ZCCHC14: variants seen among roughly 807,000 people sequenced by gnomAD.
ZCCHC14 encodes zinc finger CCHC domain-containing protein 14.
A neutral mutation model predicts 85.0 loss-of-function variants in ZCCHC14; 16 were observed. That is an observed-to-expected ratio of 0.19 (90% CI 0.13 to 0.29). The LOEUF is 0.29. Ranked by LOEUF, ZCCHC14 falls within the 10% of genes least tolerant of loss-of-function variation. ZCCHC14 has a pLI of 1.00. For missense variants in ZCCHC14, 1,303 were observed against 1,443.5 expected (o/e 0.90, Z 1.58); for synonymous variants, 775 against 630.7 (o/e 1.23, Z -3.43).
chr16:87,464,309 C>G (rs181128397), intron 1 of ZCCHC14, among the ~76,000 whole-genome samples: 295 of 152,324 alleles, frequency 1.9e-3, no homozygotes, highest in African/African-American at 6.5e-3. Context: ...CACTCCCCAC[C>G]AAAATCAGAG....
intron 10 of ZCCHC14, among the ~76,000 whole-genome samples, chr16:87,413,872 C>T (rs1908621673): frequency 6.6e-6 from 1 of 152,170 alleles, no homozygotes; most frequent in Non-Finnish European, 1.5e-5. Context: ...CCCACGCGCT[C>T]GCTCTCACTG....
intron 1 of ZCCHC14, among the ~76,000 whole-genome samples, chr16:87,477,142 C>CAAAAAAAAAA (rs1567542354): frequency 2.5e-5 from 2 of 78,604 alleles, no homozygotes; most frequent in African/African-American, 1.3e-4. Context: ...AAAAAAAAAA[C>CAAAAAAAAAA]AAAACAAAAC....
At chr16:87,467,605 G>C (rs1911585378) in intron 1 of ZCCHC14, 6 of 1,283,148 alleles carry the variant, frequency 4.7e-6, no homozygotes, top group African/African-American at 1.5e-5. Flanking sequence ...CAAGGATCTG[G>C]AGATGACAAC....
intron 4 of ZCCHC14, among the ~76,000 whole-genome samples, chr16:87,422,393 C>T (rs1258112875): frequency 2.6e-5 from 4 of 152,024 alleles, no homozygotes; most frequent in South Asian, 2.1e-4. Flanking sequence ...GGGGAGGATG[C>T]GGCAGAAGAA....
At chr16:87,486,411 C>T (rs1226446659) in intron 1 of ZCCHC14, among the ~76,000 whole-genome samples, 3 of 152,218 alleles carry the variant, frequency 2.0e-5, no homozygotes, top group African/African-American at 4.8e-5. Context: ...TACAGTAACA[C>T]GCTGTACAGG....
At chr16:87,429,594 G>A (rs1189198973) in intron 3 of ZCCHC14, among the ~76,000 whole-genome samples, 2 of 152,184 alleles carry the variant, frequency 1.3e-5, no homozygotes, top group African/African-American at 4.8e-5. Context: ...CAGTCTGGGT[G>A]ACAGAAGGAG....
chr16:87,488,700 C>T (rs1912620686), intron 1 of ZCCHC14, among the ~76,000 whole-genome samples: 1 of 152,204 alleles, frequency 6.6e-6, no homozygotes. Context: ...ACCTCGGCCT[C>T]CCAAGTAGCA....
intron 1 of ZCCHC14, among the ~76,000 whole-genome samples, chr16:87,477,648 T>C (rs1216011321): frequency 6.6e-6 from 1 of 152,232 alleles, no homozygotes; most frequent in Non-Finnish European, 1.5e-5. Context: ...TGTTTTCTTA[T>C]TGCTAAAATG....
chr16:87,467,321 A>C (rs1178826438), intron 1 of ZCCHC14: 1 of 1,586,758 alleles, frequency 6.3e-7, no homozygotes, highest in African/African-American at 1.4e-5. Flanking sequence ...CACTGCCCCA[A>C]GCGAAAACAG....
intron 1 of ZCCHC14, among the ~76,000 whole-genome samples, chr16:87,488,328 G>A (rs1024951210): frequency 3.3e-5 from 5 of 152,142 alleles, no homozygotes; most frequent in South Asian, 2.1e-4. Flanking sequence ...TGGAACAGGC[G>A]ACTGCAGGAG....
chr16:87,445,263 CACCATGTTG>C (rs1197685016), intron 2 of ZCCHC14, among the ~76,000 whole-genome samples: 1 of 152,094 alleles, frequency 6.6e-6, no homozygotes, highest in African/African-American at 2.4e-5. Context: ...AACGGGGTTT[CACCATGTTG>C]ACCAGGATGG....
At chr16:87,424,382 T>C (rs932237157) in intron 3 of ZCCHC14, among the ~76,000 whole-genome samples, 2 of 151,992 alleles carry the variant, frequency 1.3e-5, no homozygotes, top group South Asian at 2.1e-4. Flanking sequence ...ACAGTGTGAG[T>C]CCATTGATAG....
rs1402423591 is a variant in ZCCHC14 at position 87,492,953 on chromosome 16, G to A, written c.-715C>T. The stretch of plus-strand genomic sequence containing the variant: ...GACGGCGACGGCGACGGCGACGGCG[G>A]AGGAGGCGCCGGCCGAGGAGCGGAG... On this transcript the variant is annotated 5_prime_UTR_variant, in exon 1 of 13. Transcript: ENST00000671377. This position sits in a 1 kb window ranked among gnomAD's most constrained non-coding sequence, Gnocchi z 6.7. Among the ~76,000 whole-genome samples the A allele has an allele frequency of 2.7e-5, 4 of 149,894 alleles. No individual in the cohort carries two copies. Among genetic ancestry groups the A allele is most frequent in the African/African-American group, 9.8e-5 (4 of 40,704 alleles).
intron 1 of ZCCHC14, among the ~76,000 whole-genome samples, chr16:87,464,564 C>T (rs1199132251): frequency 6.6e-6 from 1 of 152,136 alleles, no homozygotes; most frequent in Non-Finnish European, 1.5e-5. Flanking sequence ...GGGGAAAGCC[C>T]GTGAGCCACC....
chr16:87,450,728 T>C (rs1037713573), intron 2 of ZCCHC14, among the ~76,000 whole-genome samples: 5 of 152,006 alleles, frequency 3.3e-5, no homozygotes, highest in African/African-American at 1.2e-4. Context: ...GCATGTGCCA[T>C]CTTTTTTTGT....
At chr16:87,475,396 TA>T (rs1468856815) in intron 1 of ZCCHC14, among the ~76,000 whole-genome samples, 2 of 151,046 alleles carry the variant, frequency 1.3e-5, no homozygotes, top group African/African-American at 4.9e-5. Context: ...TACAAAAAAA[TA>T]AAAAAATTAC....
chr16:87,414,725 T>C (rs939020510), intron 9 of ZCCHC14, among the ~76,000 whole-genome samples, 184 bp from the exon 10 acceptor site: 1 of 152,236 alleles, frequency 6.6e-6, no homozygotes, highest in African/African-American at 2.4e-5. Flanking sequence ...CTCATTCTGA[T>C]TGGTCAAATT....
At position 87,420,771 on chromosome 16, in the gene ZCCHC14, G is replaced by C. The variant is rs1909055583; in HGVS notation, c.841-55C>G. On this transcript the variant is annotated intron_variant, in intron 4 of 12. Transcript: ENST00000671377. This position sits in a 1 kb window ranked among gnomAD's most constrained non-coding sequence, Gnocchi z 5.0. Reference sequence around the variant, plus strand: ...TGTCCAGACCCATCCAACACCAGCAGAATTCTGCTACTGCAGGAAAACCTG... The same window carrying C: ...TGTCCAGACCCATCCAACACCAGCACAATTCTGCTACTGCAGGAAAACCTG... The C allele has an allele frequency of 1.4e-6, 2 of 1,465,538 alleles. No individual in the cohort carries two copies. The highest frequency in any genetic ancestry group is 1.9e-6 in the Non-Finnish European group (2 of 1,077,766). The allele number at this position is 1,465,538 out of a possible 1,614,324, so 90.8% of individuals were successfully genotyped here.
Position 87,407,921 on chromosome 16 carries a change from G to C in ZCCHC14, c.*2359C>G, listed in dbSNP as rs1482884855. 1 of 152,710 alleles carries C rather than the reference G, an allele frequency of 6.5e-6. No homozygotes were observed. The highest frequency in any genetic ancestry group is 1.5e-5 in the Non-Finnish European group (1 of 68,074). The allele number at this position is 152,710 out of a possible 1,614,324, so 9.5% of individuals were successfully genotyped here. A position where few individuals can be genotyped will look rare whatever the true frequency, so the allele number is the denominator to read the frequency against. On this transcript the variant is annotated 3_prime_UTR_variant, in exon 13 of 13. Coordinates refer to ENST00000671377, the MANE Select transcript of ZCCHC14 (RefSeq NM_015144.3). ...ACGGATGGGTGGTTCCATTTTCTCT[G>C]CGCTGTGTAGCTCCTACTTACAGCT...
Sources: allele counts gnomAD v4.1 joint callset (sites outside exome capture counted in the v4.1 genomes callset), GRCh38; gene constraint gnomAD v4.1.1; non-coding constraint Gnocchi (gnomAD v3.1); transcripts MANE v1.5; gene names NCBI Gene and HGNC (gene_info 2026-07-23, HGNC 2026-07-21).